ITGB3: variants seen among roughly 807,000 people sequenced by gnomAD.
The protein encoded by ITGB3 is integrin beta-3.
ITGB3 carries 48 observed loss-of-function variants against 85.8 expected under a neutral mutation model. That is an observed-to-expected ratio of 0.56 (90% CI 0.44 to 0.71). The LOEUF (loss-of-function observed/expected upper bound fraction) is 0.71, where lower values mean the gene tolerates loss of function less well. Ranked by LOEUF, ITGB3 falls within the 30% of genes least tolerant of loss-of-function variation. The probability of loss-of-function intolerance (pLI) is 0.00; values close to 1 mark genes in which losing one functional copy is unlikely to be tolerated. For synonymous variants in ITGB3, 363 were observed against 395.6 expected, an observed-to-expected ratio of 0.92 and a Z score of 0.98; for missense variants, 861 against 1,019.1, an observed-to-expected ratio of 0.84 and a Z score of 2.11.
intron 1 of ITGB3, among the ~76,000 whole-genome samples, chr17:47,255,597 T>G (rs911155521): frequency 6.6e-6 from 1 of 152,100 alleles, no homozygotes; most frequent in Non-Finnish European, 1.5e-5. Context: ...AATTTTTGTA[T>G]TTTTAGTAGA....
chr17:47,291,542 AGG>A (rs1331199580), intron 9 of ITGB3: 1 of 285,446 alleles, frequency 3.5e-6, no homozygotes, highest in Non-Finnish European at 6.5e-6. Context: ...CTTCTGCCTA[AGG>A]GGAGAGGGGT....
chr17:47,283,901 GA>G (rs1487251915), intron 3 of ITGB3, among the ~76,000 whole-genome samples: 2 of 152,174 alleles, frequency 1.3e-5, no homozygotes, highest in African/African-American at 4.8e-5. Flanking sequence ...ATGAGATATA[GA>G]ACAAGAAAGC....
At chr17:47,287,840 T>C (rs2065108865) in intron 6 of ITGB3, among the ~76,000 whole-genome samples, 1 of 150,526 alleles carries the variant, frequency 6.6e-6, no homozygotes, top group African/African-American at 2.4e-5. Flanking sequence ...AGCCCAGTAG[T>C]CTGAGGCTGC....
intron 5 of ITGB3, 59 bp from the exon 6 acceptor site, chr17:47,287,011 G>T (rs894787279): frequency 5.0e-6 from 8 of 1,585,464 alleles, no homozygotes; most frequent in Admixed American, 5.0e-5. Context: ...TTCTCTACCA[G>T]TGACATGGCT....
chr17:47,255,998 C>A (rs66927276), intron 1 of ITGB3, among the ~76,000 whole-genome samples: 34,204 of 144,242 alleles, frequency 0.24, 3,945 homozygotes, highest in East Asian at 0.36. Context: ...TAAATAAATA[C>A]ATAATTAAAA....
chr17:47,290,546 G>T (rs1459126616), intron 8 of ITGB3, among the ~76,000 whole-genome samples: 1 of 152,186 alleles, frequency 6.6e-6, no homozygotes, highest in Non-Finnish European at 1.5e-5. Flanking sequence ...GGAATTGTGG[G>T]GGCAGAGTGA....
intron 14 of ITGB3, among the ~76,000 whole-genome samples, chr17:47,307,850 CTCT>C (rs2065195110): frequency 6.6e-6 from 1 of 152,110 alleles, no homozygotes; most frequent in East Asian, 1.9e-4. Context: ...CCATCTCATT[CTCT>C]TCTTTCTCCT....
At chr17:47,257,304 G>T (rs2064993965) in intron 1 of ITGB3, among the ~76,000 whole-genome samples, 1 of 152,140 alleles carries the variant, frequency 6.6e-6, no homozygotes, top group Non-Finnish European at 1.5e-5. Flanking sequence ...CTCATTGCTG[G>T]TTTGGCATAT....
chr17:47,272,678 T>C (rs2065048740), intron 1 of ITGB3, among the ~76,000 whole-genome samples: 1 of 145,182 alleles, frequency 6.9e-6, no homozygotes, highest in Non-Finnish European at 1.5e-5. Context: ...TCTTTCTTTC[T>C]TTTTTTTTCT....
intron 1 of ITGB3, among the ~76,000 whole-genome samples, chr17:47,259,021 G>A (rs2065000103): frequency 6.6e-6 from 1 of 152,184 alleles, no homozygotes; most frequent in Non-Finnish European, 1.5e-5. Context: ...GACTGGATCC[G>A]TTAAACTTTG....
intron 2 of ITGB3, among the ~76,000 whole-genome samples, chr17:47,277,717 A>G (rs1294153175): frequency 1.3e-5 from 2 of 152,228 alleles, no homozygotes; most frequent in Admixed American, 1.3e-4. Context: ...AGGAATTCTT[A>G]TATAAGCCTG....
At position 47,308,933 on chromosome 17, in the gene ITGB3, C is replaced by T. The variant is rs142945838; in HGVS notation, c.2302-1206C>T. Among the ~76,000 whole-genome samples, 382 of 150,082 alleles carry T rather than the reference C, an allele frequency of 2.5e-3. 2 individuals are homozygous for T. Among genetic ancestry groups the T allele is most frequent in the African/African-American group, 9.0e-3 (369 of 40,778 alleles). On this transcript the variant is annotated intron_variant, in intron 14 of 14. Transcript: ENST00000559488. The stretch of plus-strand genomic sequence containing the variant: ...TGGATAGTGCTTTCTCTTTCTCTCC[C>T]CTCCTCTCCCATTCCCTCCCCTCCC...
intron 6 of ITGB3, among the ~76,000 whole-genome samples, chr17:47,288,623 A>G (rs1486332757): frequency 6.6e-6 from 1 of 152,116 alleles, no homozygotes; most frequent in East Asian, 1.9e-4. Context: ...TCCCATGGAC[A>G]TGTTCACGAT....
chr17:47,298,894 G>A (rs111740805), intron 10 of ITGB3, among the ~76,000 whole-genome samples: 64 of 152,310 alleles, frequency 4.2e-4, no homozygotes, highest in African/African-American at 1.5e-3. Context: ...GTAGGTTCAG[G>A]GCTGTGGCTT....
chr17:47,302,823 A>G lies in ITGB3; in HGVS notation c.2117A>G (p.Tyr706Cys). The G allele has an allele frequency of 6.2e-7, 1 of 1,614,206 alleles. No homozygotes were observed. Among genetic ancestry groups the G allele is most frequent in the Non-Finnish European group, 8.5e-7 (1 of 1,180,012 alleles). The change falls in exon 13 of 15, where the codon TAT (tyrosine) becomes TGT (cysteine). Residue 706 changes from tyrosine to cysteine, a missense_variant. Tyr to Cys is a radical substitution (Grantham distance 194). Transcript: ENST00000559488. ...YEDSSGKSIL[Y>C]VVEEPECPKG... ...GATTCTAGTGGAAAGTCCATCCTGT[A>G]TGTGGTAGAAGAGCCAGGTGAGTGA...
rs561867911 is a variant in ITGB3 at position 47,255,628 on chromosome 17, G to A, written c.79+1688G>A. Among the ~76,000 whole-genome samples, 3 of 151,856 alleles carry A rather than the reference G, an allele frequency of 2.0e-5. No homozygotes were observed. The South Asian group carries it at 6.3e-4, about 32-fold the overall frequency. On this transcript the variant is annotated intron_variant, in intron 1 of 14. Coordinates refer to ENST00000559488, the MANE Select transcript of ITGB3 (RefSeq NM_000212.3). The stretch of plus-strand genomic sequence containing the variant: ...GTAGAGACGGGATTTCCCCATGTTG[G>A]CCAGGATGATCTCGATCTCTTGACC...
intron 2 of ITGB3, among the ~76,000 whole-genome samples, chr17:47,282,387 C>T (rs188015043): frequency 4.6e-5 from 7 of 152,290 alleles, no homozygotes; most frequent in African/African-American, 1.7e-4. Flanking sequence ...AACAGTAATT[C>T]TCTATTCCTC....
At chr17:47,295,280 G>A (rs1241662216) in intron 10 of ITGB3, among the ~76,000 whole-genome samples, 1 of 152,106 alleles carries the variant, frequency 6.6e-6, no homozygotes, top group South Asian at 2.1e-4. Context: ...AGATCTCAGA[G>A]GAGGGGCAGG....
chr17:47,281,609 C>T (rs1053522080), intron 2 of ITGB3, among the ~76,000 whole-genome samples: 2 of 152,088 alleles, frequency 1.3e-5, no homozygotes, highest in South Asian at 2.1e-4. Flanking sequence ...CCCAGGGGGC[C>T]GTGGGTTTTT....
Sources: allele counts gnomAD v4.1 joint callset (sites outside exome capture counted in the v4.1 genomes callset), GRCh38; gene constraint gnomAD v4.1.1; transcripts MANE v1.5; gene names NCBI Gene and HGNC (gene_info 2026-07-23, HGNC 2026-07-21).